The following EPM2A variants were observed in gnomAD, a reference collection of about 807,000 sequenced individuals.
The protein encoded by EPM2A is laforin.
A neutral mutation model predicts 26.5 loss-of-function variants in EPM2A; 21 were observed. The ratio of observed to expected loss-of-function variants is 0.79; its 90% CI spans 0.56 to 1.14. The LOEUF (loss-of-function observed/expected upper bound fraction) is 1.14, where lower values mean the gene tolerates loss of function less well. EPM2A is among the 50% of genes most tolerant of loss of function. The pLI is 0.00. For synonymous variants in EPM2A, 217 were observed against 177.6 expected (o/e 1.22, Z -1.76); for missense variants, 458 against 440.8 (o/e 1.04, Z -0.35).
At chr6:145,732,167 G>A (rs1776519940) in intron 1 of EPM2A, among the ~76,000 whole-genome samples, 1 of 149,068 alleles carries the variant, frequency 6.7e-6, no homozygotes, top group African/African-American at 2.5e-5. Flanking sequence ...GAGTTCGATT[G>A]TTTTCTTTAA....
intron 4 of EPM2A, among the ~76,000 whole-genome samples, chr6:145,390,062 G>A (rs958643827): frequency 6.6e-6 from 1 of 152,198 alleles, no homozygotes; most frequent in Non-Finnish European, 1.5e-5. Flanking sequence ...GCAAGAAGGA[G>A]AGATAGATTT....
chr6:145,626,017 G>T lies in EPM2A; in HGVS notation c.*1399C>A. 1 of 1,127,668 alleles carries T rather than the reference G, an allele frequency of 8.9e-7. No homozygotes were observed. 69.9% of individuals were successfully genotyped at this position (1,127,668 alleles called of 1,614,324 possible). On this transcript the variant is annotated 3_prime_UTR_variant, in exon 4 of 4. Transcript: ENST00000367519. Reference sequence around the variant, plus strand: ...AGTTGAGTTAACCCTTCTGACCTTAGTTTCCCCATCTTTATCATGGAGATA... The same window carrying T: ...AGTTGAGTTAACCCTTCTGACCTTATTTTCCCCATCTTTATCATGGAGATA...
chr6:145,576,849 T>C (rs1781038850), intron 2 of EPM2A, among the ~76,000 whole-genome samples: 1 of 151,952 alleles, frequency 6.6e-6, no homozygotes, highest in African/African-American at 2.4e-5. Context: ...TAAAAAGGTA[T>C]AGAGACAAAA....
At chr6:145,583,979 C>T (rs1186217330) in intron 2 of EPM2A, among the ~76,000 whole-genome samples, 1 of 152,162 alleles carries the variant, frequency 6.6e-6, no homozygotes, top group Non-Finnish European at 1.5e-5. Context: ...CTTGTGCCAG[C>T]AGAGGCAGCA....
chr6:145,463,195 T>C (rs1779347644), intron 4 of EPM2A: 1 of 107,986 alleles, frequency 9.3e-6, no homozygotes, highest in South Asian at 2.6e-4. Flanking sequence ...TTTTGTTTTA[T>C]CTTCTTTTCT....
chr6:145,654,138 T>C (rs1166231358), intron 2 of EPM2A, among the ~76,000 whole-genome samples: 2 of 152,138 alleles, frequency 1.3e-5, no homozygotes, highest in Non-Finnish European at 2.9e-5. Flanking sequence ...TATCTATTGA[T>C]CAAGTGATAT....
intron 4 of EPM2A, among the ~76,000 whole-genome samples, chr6:145,487,655 C>G (rs938046113): frequency 2.6e-5 from 4 of 151,530 alleles, no homozygotes; most frequent in African/African-American, 9.7e-5. Flanking sequence ...TGAAAAGTGT[C>G]TGTTCATGTT....
At chr6:145,435,310 T>C (rs1251991160) in intron 4 of EPM2A, among the ~76,000 whole-genome samples, 4 of 151,560 alleles carry the variant, frequency 2.6e-5, no homozygotes, top group Non-Finnish European at 5.9e-5. Context: ...CATGAGAAGA[T>C]AAATACCAGA....
chr6:145,394,064 C>T (rs1028028153), intron 4 of EPM2A, among the ~76,000 whole-genome samples: 20 of 152,038 alleles, frequency 1.3e-4, no homozygotes, highest in Non-Finnish European at 2.1e-4. Flanking sequence ...ACCTTGTGAA[C>T]TGCCTGCCTC....
At chr6:145,523,202 T>C (rs573332833) in intron 2 of EPM2A, among the ~76,000 whole-genome samples, 1 of 152,330 alleles carries the variant, frequency 6.6e-6, no homozygotes, top group African/African-American at 2.4e-5. Flanking sequence ...GCAATCAATG[T>C]GCATTTTCAA....
chr6:145,561,061 G>A (rs1195329418), intron 2 of EPM2A, among the ~76,000 whole-genome samples: 1 of 151,468 alleles, frequency 6.6e-6, no homozygotes, highest in Admixed American at 6.6e-5. Flanking sequence ...TGTAGTATAT[G>A]TTTCCACACC....
chr6:145,682,359 G>A (rs1780605971), intron 2 of EPM2A: 1 of 152,116 alleles, frequency 6.6e-6, no homozygotes, highest in Non-Finnish European at 1.5e-5. Context: ...TACAATGCAA[G>A]ACGAGATTTG....
At chr6:145,727,953 G>C (rs753985556) in intron 1 of EPM2A, among the ~76,000 whole-genome samples, 1 of 152,138 alleles carries the variant, frequency 6.6e-6, no homozygotes, top group East Asian at 1.9e-4. Flanking sequence ...CCTCCTTGCT[G>C]TTCTTGTGAA....
At chr6:145,592,822 G>A (rs1432047141) in intron 2 of EPM2A, among the ~76,000 whole-genome samples, 2 of 151,772 alleles carry the variant, frequency 1.3e-5, no homozygotes, top group African/African-American at 2.4e-5. Flanking sequence ...TAAGAGAGGA[G>A]ATAACAATGG....
chr6:145,704,714 A>G (rs1210821089), intron 1 of EPM2A, among the ~76,000 whole-genome samples: 1 of 152,200 alleles, frequency 6.6e-6, no homozygotes, highest in Admixed American at 6.5e-5. Flanking sequence ...ATTGTACTTC[A>G]TAGAGGATAA....
chr6:145,556,642 C>G (rs1290223868), intron 2 of EPM2A, among the ~76,000 whole-genome samples: 2 of 152,062 alleles, frequency 1.3e-5, no homozygotes, highest in African/African-American at 2.4e-5. Flanking sequence ...ATGAAGGATT[C>G]CTGGAAAACT....
At chr6:145,481,980 C>T (rs181909345) in intron 4 of EPM2A, among the ~76,000 whole-genome samples, 1 of 151,496 alleles carries the variant, frequency 6.6e-6, no homozygotes, top group East Asian at 1.9e-4. Context: ...AGAAGCAAAT[C>T]TTATGCCTGA....
chr6:145,568,782 A>G (rs1052304683), intron 2 of EPM2A, among the ~76,000 whole-genome samples: 5 of 152,176 alleles, frequency 3.3e-5, no homozygotes, highest in African/African-American at 1.2e-4. Flanking sequence ...TCATAATAGT[A>G]CCTGTGGTGT....
intron 2 of EPM2A, among the ~76,000 whole-genome samples, chr6:145,554,455 G>C (rs553876104): frequency 8.7e-4 from 129 of 148,624 alleles, no homozygotes; most frequent in African/African-American, 2.7e-3. Context: ...TAGATAGATA[G>C]ATAGATAGAT....
Sources: allele counts gnomAD v4.1 joint callset (sites outside exome capture counted in the v4.1 genomes callset), GRCh38; gene constraint gnomAD v4.1.1; transcripts MANE v1.5; gene names NCBI Gene and HGNC (gene_info 2026-07-23, HGNC 2026-07-21).